The following NRG2 variants were observed in gnomAD, a reference collection of about 807,000 sequenced individuals.
The protein encoded by NRG2 is neuregulin 2.
A neutral mutation model predicts 73.9 loss-of-function variants in NRG2; 27 were observed. The observed-to-expected ratio is 0.37, with a 90% CI of 0.27 to 0.50. The LOEUF (loss-of-function observed/expected upper bound fraction) is 0.50, where lower values mean the gene tolerates loss of function less well. NRG2 is among the 20% of genes least tolerant of loss of function. NRG2 has a pLI of 0.96. For synonymous variants in NRG2, 532 were observed against 541.0 expected (o/e 0.98, Z 0.23); for missense variants, 1,126 against 1,210.1 (o/e 0.93, Z 1.03).
At position 139,871,794 on chromosome 5, in the gene NRG2, C is replaced by G; in HGVS notation, c.1039G>C (p.Glu347Gln). The G allele has an allele frequency of 3.1e-6, 5 of 1,614,144 alleles. No homozygotes were observed. The highest frequency in any genetic ancestry group is 4.2e-6 in the Non-Finnish European group (5 of 1,180,000). The change falls in exon 4 of 10, where the codon GAG becomes CAG. Residue 347 changes from glutamate (E) to glutamine (Q), a missense_variant. This residue lies in a region of NRG2 where 539 missense variants were observed against 703.2 expected (regional missense o/e 0.77). Transcript: ENST00000361474. ...SWSGHARKCN[E>Q]TAKSYCVNGG... ...TTGACGCAATAGGACTTGGCTGTCT[C>G]GTTGCACTTCCGGGCGTGCCCCGAC...
intron 5 of NRG2, among the ~76,000 whole-genome samples, chr5:139,857,508 GC>G (rs1342733423): frequency 6.7e-6 from 1 of 149,462 alleles, no homozygotes; most frequent in African/African-American, 2.6e-5. Context: ...GGTGAACTGT[GC>G]TTGTCTCAGT....
At chr5:139,858,917 C>T (rs1433587508) in intron 5 of NRG2, among the ~76,000 whole-genome samples, 1 of 152,170 alleles carries the variant, frequency 6.6e-6, no homozygotes, top group Non-Finnish European at 1.5e-5. Flanking sequence ...CTACTGAGAA[C>T]AGCTGATAGA....
chr5:140,012,126 C>T lies in NRG2; in HGVS notation c.700+30244G>A, dbSNP rs533688175. 5.3e-5 allele frequency among the ~76,000 whole-genome samples: 8 copies of T among 152,220 alleles called. No homozygotes were observed. The South Asian group carries it at 1.0e-3, about 20-fold the overall frequency. Reference sequence around the variant, plus strand: ...CTCATCTTTATCCCTTTGCACATACCGTTCCCCCTTTCTAAAGTACTTTTC... The same window carrying T: ...CTCATCTTTATCCCTTTGCACATACTGTTCCCCCTTTCTAAAGTACTTTTC... On this transcript the variant is annotated intron_variant, in intron 1 of 9. Coordinates refer to ENST00000361474, the MANE Select transcript of NRG2 (RefSeq NM_004883.3).
intron 1 of NRG2, among the ~76,000 whole-genome samples, chr5:139,919,034 C>A (rs1018813122): frequency 2.6e-5 from 4 of 152,174 alleles, no homozygotes; most frequent in African/African-American, 9.7e-5. Flanking sequence ...TTGCTTAAAT[C>A]TAGCCATGCC....
At chr5:139,854,931 C>T (rs1761712081) in intron 6 of NRG2, among the ~76,000 whole-genome samples, 1 of 152,200 alleles carries the variant, frequency 6.6e-6, no homozygotes, top group Non-Finnish European at 1.5e-5. Context: ...TTCTTTTAGA[C>T]TCATGCCCGC....
intron 1 of NRG2, among the ~76,000 whole-genome samples, chr5:139,994,608 A>C (rs1757889654): frequency 6.6e-6 from 1 of 152,262 alleles, no homozygotes; most frequent in South Asian, 2.1e-4. Context: ...TTGTATACTT[A>C]GAAATAGTTA....
intron 1 of NRG2, among the ~76,000 whole-genome samples, chr5:140,034,092 G>A (rs1040448714): frequency 4.6e-5 from 7 of 152,022 alleles, no homozygotes; most frequent in African/African-American, 1.7e-4. Flanking sequence ...CCCAGTAGCT[G>A]GGACTACAGG....
In NRG2 at chr5:139,851,532, A is replaced by G; in HGVS notation, c.1772+72T>C. The G allele has an allele frequency of 1.4e-6, 2 of 1,454,432 alleles. No homozygotes were observed. The highest frequency in any genetic ancestry group is 1.7e-5 in the Admixed American group (1 of 58,302). 90.1% of individuals were successfully genotyped at this position (1,454,432 alleles called of 1,614,324 possible). A position where few individuals can be genotyped will look rare whatever the true frequency, so the allele number is the denominator to read the frequency against. On this transcript the variant is annotated intron_variant, in intron 9 of 9. Transcript: ENST00000361474. The surrounding 1 kb of genome is among the most constrained non-coding windows in gnomAD (Gnocchi z 4.2). ...CTTTGGAGTGTTTCTGAGGGGCCCT[A>G]AGGGTCAGCCTTGGGCCAGTGGTGC...
At chr5:139,948,605 CA>C (rs1485802745) in intron 1 of NRG2, among the ~76,000 whole-genome samples, 1 of 152,222 alleles carries the variant, frequency 6.6e-6, no homozygotes, top group Non-Finnish European at 1.5e-5. Flanking sequence ...ATCTAATCCT[CA>C]TTGCAAAACT....
chr5:139,993,569 AC>A (rs1165983099), intron 1 of NRG2, among the ~76,000 whole-genome samples: 1 of 152,110 alleles, frequency 6.6e-6, no homozygotes, highest in Non-Finnish European at 1.5e-5. Context: ...TGTTTTAATA[AC>A]CCTTATCAGT....
intron 1 of NRG2, among the ~76,000 whole-genome samples, chr5:139,935,274 T>C (rs1166957926): frequency 1.3e-5 from 2 of 152,198 alleles, no homozygotes; most frequent in Non-Finnish European, 2.9e-5. Context: ...CTCACTACTA[T>C]AACGAGATTT....
chr5:139,894,326 T>G lies in NRG2; in HGVS notation c.701-6815A>C, dbSNP rs1306423136. ...CTGGAGACAATGTGGCCAGCCTGCC[T>G]GGCATCAAAGTTTCCCACTGTCCTG... On this transcript the variant is annotated intron_variant, in intron 1 of 9. Transcript: ENST00000361474. This position sits in a 1 kb window ranked among gnomAD's most constrained non-coding sequence, Gnocchi z 5.0. 6.6e-6 allele frequency among the ~76,000 whole-genome samples: 1 copy of G among 152,112 alleles called. No individual in the cohort carries two copies. Among genetic ancestry groups the G allele is most frequent in the Non-Finnish European group, 1.5e-5 (1 of 68,008 alleles).
chr5:139,852,865 A>C lies in NRG2; in HGVS notation c.1416+39T>G. On this transcript the variant is annotated intron_variant, in intron 7 of 9. Transcript: ENST00000361474. The surrounding 1 kb of genome is among the most constrained non-coding windows in gnomAD (Gnocchi z 4.4). ...GGGGGCATGAGAAGGCTGGCTGTCC[A>C]CTGAGGGCTCAGAAGGGGGCCCCAG... The C allele has an allele frequency of 6.2e-7, 1 of 1,612,010 alleles. No homozygotes were observed. The highest frequency in any genetic ancestry group is 8.5e-7 in the Non-Finnish European group (1 of 1,179,550).
intron 1 of NRG2, among the ~76,000 whole-genome samples, chr5:140,031,182 G>A (rs1056947900): frequency 1.3e-5 from 2 of 152,154 alleles, no homozygotes; most frequent in Admixed American, 6.5e-5. Context: ...CTTGACAATG[G>A]GGGCTGAAGA....
intron 1 of NRG2, among the ~76,000 whole-genome samples, chr5:139,938,867 AG>A (rs1753058089): frequency 1.8e-5 from 2 of 110,144 alleles, no homozygotes; most frequent in Non-Finnish European, 3.5e-5. Flanking sequence ...AGAGAGAGAG[AG>A]AGAGAGAGAG....
chr5:139,952,679 T>C (rs979626000), intron 1 of NRG2, among the ~76,000 whole-genome samples: 3 of 152,118 alleles, frequency 2.0e-5, no homozygotes, highest in African/African-American at 7.2e-5. Flanking sequence ...ATAATTGCAC[T>C]AAGGCCGAGC....
chr5:139,921,002 T>A (rs1483938063), intron 1 of NRG2, among the ~76,000 whole-genome samples: 1 of 152,214 alleles, frequency 6.6e-6, no homozygotes, highest in Admixed American at 6.5e-5. Flanking sequence ...TCATTTACAT[T>A]AGCACTATCT....
At chr5:140,027,004 AG>A (rs1760744639) in intron 1 of NRG2, among the ~76,000 whole-genome samples, 1 of 152,142 alleles carries the variant, frequency 6.6e-6, no homozygotes. Context: ...TTTTTGAGAC[AG>A]GGTTTCACTC....
chr5:139,938,175 C>G (rs1752989028), intron 1 of NRG2, among the ~76,000 whole-genome samples: 1 of 152,178 alleles, frequency 6.6e-6, no homozygotes, highest in Admixed American at 6.5e-5. Flanking sequence ...AGACTCAATA[C>G]TAAGCTGTAA....
Sources: gnomAD v4.1 joint callset for allele counts (sites outside exome capture counted in the v4.1 genomes callset) on GRCh38, gnomAD v4.1.1 for gene constraint, gnomAD v4.1.1 regional missense constraint, Gnocchi (gnomAD v3.1) non-coding constraint, MANE v1.5 for transcripts, NCBI Gene and HGNC (gene_info 2026-07-23, HGNC 2026-07-21) for gene names.